Variants in FANK1 observed in about 807,000 individuals in gnomAD.
FANK1 encodes the protein fibronectin type III and ankyrin repeat domains 1, also known as fibronectin type 3 and ankyrin repeat domains protein 1.
In FANK1, 44 loss-of-function variants were observed where a neutral mutation model predicts 45.3. The ratio of observed to expected loss-of-function variants is 0.97; its 90% CI spans 0.76 to 1.25. The LOEUF (loss-of-function observed/expected upper bound fraction) is 1.25, where lower values mean the gene tolerates loss of function less well. FANK1 is among the 50% of genes most tolerant of loss of function. The probability of loss-of-function intolerance (pLI) is 0.00; values close to 1 mark genes in which losing one functional copy is unlikely to be tolerated. For missense variants in FANK1, 391 were observed against 424.4 expected (o/e 0.92, Z 0.69); for synonymous variants, 149 against 152.5 (o/e 0.98, Z 0.17).
intron 1 of FANK1, among the ~76,000 whole-genome samples, chr10:125,966,422 G>C (rs1285704919): frequency 6.6e-6 from 1 of 151,952 alleles, no homozygotes; most frequent in Non-Finnish European, 1.5e-5. Context: ...CTTCCTGTAG[G>C]CTCCCTCTGC....
intron 1 of FANK1, among the ~76,000 whole-genome samples, chr10:125,931,500 C>A (rs1413694091): frequency 6.6e-6 from 1 of 152,080 alleles, no homozygotes; most frequent in East Asian, 1.9e-4. Context: ...TATTAGTTGG[C>A]CATTTGTATG....
intron 1 of FANK1, among the ~76,000 whole-genome samples, chr10:125,974,175 T>G (rs1183981842): frequency 6.6e-6 from 1 of 152,092 alleles, no homozygotes; most frequent in Non-Finnish European, 1.5e-5. Flanking sequence ...ATTTGGAAAA[T>G]AAAGTTGGGA....
chr10:125,965,443 ATCT>A (rs1950157053), intron 1 of FANK1, among the ~76,000 whole-genome samples: 1 of 152,210 alleles, frequency 6.6e-6, no homozygotes, highest in Non-Finnish European at 1.5e-5. Flanking sequence ...GGCTTTTCTT[ATCT>A]GATTGTGAAA....
Position 125,991,982 on chromosome 10 carries a change from G to C in FANK1, c.316+3307G>C, listed in dbSNP as rs1474350456. 3.5e-4 allele frequency among the ~76,000 whole-genome samples: 53 copies of C among 152,186 alleles called. 1 individual carries two copies. The highest frequency in any genetic ancestry group is 3.5e-3 in the Admixed American group (53 of 15,270). ...TGACTGGTGAGTCCATCTGGCTCACGTGAGCATGGGCTAACATCCTCACCA... is the reference window on the plus strand; with the variant it reads ...TGACTGGTGAGTCCATCTGGCTCACCTGAGCATGGGCTAACATCCTCACCA... On this transcript the variant is annotated intron_variant, in intron 3 of 10. Coordinates refer to ENST00000368693, the MANE Select transcript of FANK1 (RefSeq NM_145235.5).
chr10:125,946,828 A>G (rs1948836023), intron 1 of FANK1, among the ~76,000 whole-genome samples: 1 of 134,790 alleles, frequency 7.4e-6, no homozygotes. Flanking sequence ...AGATTCACCA[A>G]AGTTGAAGGA....
In FANK1 at chr10:125,983,612, C is replaced by T. The variant is rs759735589; in HGVS notation, c.191+3274C>T. Among the ~76,000 whole-genome samples the T allele has an allele frequency of 1.3e-5, 2 of 152,118 alleles. No individual in the cohort carries two copies. Among genetic ancestry groups the T allele is most frequent in the East Asian group, 1.9e-4 (1 of 5,200 alleles). ...CCTTGCAACTATCTGGGGGAAGAAC[C>T]TTCCAGACATAGCAAAGGGCAGGTG... On this transcript the variant is annotated intron_variant, in intron 2 of 10. Coordinates refer to ENST00000368693, the MANE Select transcript of FANK1 (RefSeq NM_145235.5). This position sits in a 1 kb window ranked among gnomAD's most constrained non-coding sequence, Gnocchi z 4.3.
chr10:125,979,017 C>CTG (rs1223662528), intron 1 of FANK1, among the ~76,000 whole-genome samples: 2 of 152,220 alleles, frequency 1.3e-5, no homozygotes, highest in Admixed American at 1.3e-4. Flanking sequence ...AGAATGAAGA[C>CTG]TGAAGGCACT....
chr10:125,955,004 C>T (rs562173033), intron 1 of FANK1, among the ~76,000 whole-genome samples: 19 of 151,890 alleles, frequency 1.3e-4, no homozygotes, highest in Middle Eastern at 3.4e-3. Flanking sequence ...GAACAACTGC[C>T]GACACTCATA....
chr10:125,908,847 A>G (rs1187703139), intron 1 of FANK1, among the ~76,000 whole-genome samples: 2 of 152,308 alleles, frequency 1.3e-5, no homozygotes, highest in African/African-American at 2.4e-5. Context: ...ATAAGAGAAA[A>G]TATACTAGAC....
At chr10:125,915,796 G>A (rs1009485468) in intron 1 of FANK1, among the ~76,000 whole-genome samples, 10 of 152,148 alleles carry the variant, frequency 6.6e-5, no homozygotes, top group Admixed American at 4.6e-4. Context: ...TCTGGGTGAC[G>A]GAGGGAGATC....
intron 1 of FANK1, among the ~76,000 whole-genome samples, chr10:125,951,950 G>T (rs576042013): frequency 6.6e-6 from 1 of 152,234 alleles, no homozygotes; most frequent in East Asian, 1.9e-4. Flanking sequence ...TTATTGATGG[G>T]ATACATGTGG....
At chr10:125,915,636 C>A (rs374708629) in intron 1 of FANK1, among the ~76,000 whole-genome samples, 4 of 152,200 alleles carry the variant, frequency 2.6e-5, no homozygotes, top group Non-Finnish European at 4.4e-5. Context: ...GCAACATAGA[C>A]CCTGTCTCTA....
chr10:125,943,899 AGT>A (rs1233747672), intron 1 of FANK1, among the ~76,000 whole-genome samples: 1 of 152,250 alleles, frequency 6.6e-6, no homozygotes, highest in African/African-American at 2.4e-5. Context: ...GGGATAACTA[AGT>A]GATAAAGCGA....
chr10:125,963,861 G>A (rs930582126), intron 1 of FANK1, among the ~76,000 whole-genome samples: 1 of 151,952 alleles, frequency 6.6e-6, no homozygotes, highest in African/African-American at 2.4e-5. Flanking sequence ...CCTGCACGTT[G>A]TACACATGTA....
chr10:125,941,249 T>C (rs548153967), intron 1 of FANK1, among the ~76,000 whole-genome samples: 2 of 151,982 alleles, frequency 1.3e-5, no homozygotes, highest in African/African-American at 4.8e-5. Flanking sequence ...TTAAAATACA[T>C]CCAGTGAAAA....
chr10:125,932,047 C>A (rs1273814107), intron 1 of FANK1, among the ~76,000 whole-genome samples: 2 of 152,146 alleles, frequency 1.3e-5, no homozygotes, highest in Non-Finnish European at 2.9e-5. Flanking sequence ...TATTCTGTTT[C>A]ATTGTTTCTA....
intron 1 of FANK1, among the ~76,000 whole-genome samples, chr10:125,942,096 G>A (rs1948487747): frequency 2.0e-5 from 3 of 152,076 alleles, no homozygotes; most frequent in Non-Finnish European, 4.4e-5. Flanking sequence ...TAATGATGAA[G>A]GAAAACTAAA....
At chr10:125,905,693 C>T (rs1479750947) in intron 1 of FANK1, among the ~76,000 whole-genome samples, 3 of 152,162 alleles carry the variant, frequency 2.0e-5, no homozygotes, top group African/African-American at 7.2e-5. Flanking sequence ...ACTCCCCCCT[C>T]TTGCACTCTC....
At chr10:125,900,322 A>T (rs1318886501) in intron 1 of FANK1, among the ~76,000 whole-genome samples, 1 of 151,448 alleles carries the variant, frequency 6.6e-6, no homozygotes, top group African/African-American at 2.4e-5. Flanking sequence ...TGGAAAACGT[A>T]CATCACTTCC....
Sources: allele counts gnomAD v4.1 joint callset (sites outside exome capture counted in the v4.1 genomes callset), GRCh38; gene constraint gnomAD v4.1.1; non-coding constraint Gnocchi (gnomAD v3.1); transcripts MANE v1.5; gene names NCBI Gene and HGNC (gene_info 2026-07-23, HGNC 2026-07-21).